Variants in SOCS2 observed in about 807,000 individuals in gnomAD.
SOCS2 encodes the protein CIS-2.
SOCS2 carries 10 observed loss-of-function variants against 18.6 expected under a neutral mutation model. The observed-to-expected ratio is 0.54, with a 90% CI of 0.33 to 0.91. The LOEUF is 0.91. Among genes scored for constraint, SOCS2 ranks in the 40% least tolerant of loss-of-function variants. SOCS2 has a pLI of 0.02. For missense variants in SOCS2, 231 were observed against 247.2 expected, an observed-to-expected ratio of 0.93 and a Z score of 0.44; for synonymous variants, 104 against 104.0, an observed-to-expected ratio of 1.00 and a Z score of 0.00.
the SOCS2 span, among the ~76,000 whole-genome samples, chr12:93,598,068 C>A: frequency 6.6e-6 from 1 of 152,146 alleles, no homozygotes; most frequent in South Asian, 2.1e-4. Flanking sequence ...TTGCAGGCAT[C>A]TGTAACTGTG....
chr12:93,574,602 C>CTT (rs35259505), intron 1 of SOCS2, 120 bp from the exon 2 acceptor site: 138 of 532,238 alleles, frequency 2.6e-4, no homozygotes, highest in South Asian at 8.3e-4. Flanking sequence ...CACACACCAC[C>CTT]TTTTTTTTTT....
the SOCS2 span, among the ~76,000 whole-genome samples, chr12:93,614,549 T>TTCTTTCTTTCTTTCTTTCTC: frequency 7.4e-5 from 2 of 27,064 alleles, no homozygotes; most frequent in East Asian, 1.7e-3. Flanking sequence ...CCTTCTTTCT[T>TTCTTTCTTTCTTTCTTTCTC]TCTTTCTTTC....
the SOCS2 span, among the ~76,000 whole-genome samples, chr12:93,590,218 G>C: frequency 2.0e-5 from 3 of 151,450 alleles, no homozygotes; most frequent in African/African-American, 2.4e-5. Context: ...CTGGGTGACA[G>C]AGCGAGACTC....
chr12:93,574,865 C>G lies in SOCS2; in HGVS notation c.283C>G (p.Leu95Val). 6.2e-7 allele frequency: 1 copy of G among 1,614,200 alleles called. No individual in the cohort carries two copies. The highest frequency in any genetic ancestry group is 8.5e-7 in the Non-Finnish European group (1 of 1,180,036). The change falls in exon 2 of 2, where the codon CTT becomes GTT. Residue 95 changes from leucine (L) to valine (V), a missense_variant. Leu to Val is a conservative substitution (Grantham distance 32). This residue lies in a region of SOCS2 where 3 missense variants were observed against 16.2 expected (regional missense o/e 0.18). Coordinates refer to ENST00000551556, the MANE Select transcript of SOCS2 (RefSeq NM_001270471.2). ...SVKTSAGPTN[L>V]RIEYQDGKFR... ...TAAAACATCAGCTGGACCAACTAATCTTCGAATCGAATACCAAGACGGAAA... is the reference window on the plus strand; with the variant it reads ...TAAAACATCAGCTGGACCAACTAATGTTCGAATCGAATACCAAGACGGAAA...
the SOCS2 span, among the ~76,000 whole-genome samples, chr12:93,603,361 A>G: frequency 6.6e-5 from 10 of 152,302 alleles, no homozygotes; most frequent in South Asian, 2.1e-3. Flanking sequence ...GGTGGGAAAA[A>G]GAAGACTCAA....
At chr12:93,591,453 G>T in the SOCS2 span, among the ~76,000 whole-genome samples, 1 of 152,162 alleles carries the variant, frequency 6.6e-6, no homozygotes, top group Non-Finnish European at 1.5e-5. Flanking sequence ...GTCTGTCTGC[G>T]GCAAGAGGAA....
rs1954437822 is a variant in SOCS2, at chr12:93,575,475, C to T, written c.*296C>T. 1 of 177,280 alleles carries T rather than the reference C, an allele frequency of 5.6e-6. No homozygotes were observed. Among genetic ancestry groups the T allele is most frequent in the Non-Finnish European group, 1.2e-5 (1 of 83,282 alleles). 11.0% of individuals were successfully genotyped at this position (177,280 alleles called of 1,614,324 possible). On this transcript the variant is annotated 3_prime_UTR_variant, in exon 2 of 2. Coordinates refer to ENST00000551556, the MANE Select transcript of SOCS2 (RefSeq NM_001270471.2). ...CTGAAGTCGCGTTTTATCAGAATGC[C>T]TTGCCTTCTTAGGTTCTTTTCCATT... is the stretch of plus-strand genomic sequence containing the variant.
the SOCS2 span, among the ~76,000 whole-genome samples, chr12:93,608,770 C>G: frequency 6.6e-6 from 1 of 152,134 alleles, no homozygotes; most frequent in South Asian, 2.1e-4. Flanking sequence ...CTCCCATTCC[C>G]TGATGGGATG....
the SOCS2 span, among the ~76,000 whole-genome samples, chr12:93,598,041 T>A: frequency 6.6e-6 from 1 of 152,202 alleles, no homozygotes; most frequent in East Asian, 1.9e-4. Context: ...ATGTAAACAT[T>A]TGAATACATG....
At chr12:93,588,871 C>T in the SOCS2 span, among the ~76,000 whole-genome samples, 3 of 152,144 alleles carry the variant, frequency 2.0e-5, no homozygotes, top group Non-Finnish European at 2.9e-5. Context: ...ATCCACCCGC[C>T]TCGGCCTCCC....
the SOCS2 span, among the ~76,000 whole-genome samples, chr12:93,626,057 C>T: frequency 6.6e-3 from 1,007 of 152,234 alleles, 15 homozygotes; most frequent in African/African-American, 0.023. Context: ...AAATCCTCAG[C>T]GCCTGGGTTT....
chr12:93,606,734 C>T, the SOCS2 span, among the ~76,000 whole-genome samples: 1 of 152,254 alleles, frequency 6.6e-6, no homozygotes, highest in South Asian at 2.1e-4. Context: ...CTCACTGCAA[C>T]CTCTGCCTCC....
At chr12:93,604,569 G>A in the SOCS2 span, among the ~76,000 whole-genome samples, 1 of 152,198 alleles carries the variant, frequency 6.6e-6, no homozygotes, top group Non-Finnish European at 1.5e-5. Flanking sequence ...TAGAAAGTTA[G>A]ACTTACATTC....
chr12:93,611,683 C>T, the SOCS2 span, among the ~76,000 whole-genome samples: 1 of 152,144 alleles, frequency 6.6e-6, no homozygotes, highest in East Asian at 1.9e-4. Context: ...CCCCAGGAGT[C>T]ATATTTTATT....
the SOCS2 span, among the ~76,000 whole-genome samples, chr12:93,608,824 C>G: frequency 4.6e-5 from 7 of 152,184 alleles, no homozygotes; most frequent in Admixed American, 1.3e-4. Context: ...CCACCACAGG[C>G]TCTGGAAAGT....
downstream of SOCS2, among the ~76,000 whole-genome samples, chr12:93,586,062 C>T (rs1042563733): frequency 3.3e-5 from 5 of 151,880 alleles, no homozygotes; most frequent in Admixed American, 1.3e-4. Context: ...TTTCCCTCCC[C>T]CAAATATTTT....
chr12:93,624,225 C>A, the SOCS2 span, among the ~76,000 whole-genome samples: 1 of 152,214 alleles, frequency 6.6e-6, no homozygotes, highest in African/African-American at 2.4e-5. Context: ...CCTCACCAGA[C>A]ACGAAACCTG....
At chr12:93,619,596 C>A in the SOCS2 span, among the ~76,000 whole-genome samples, 1 of 152,156 alleles carries the variant, frequency 6.6e-6, no homozygotes, top group African/African-American at 2.4e-5. Context: ...CTTGTTTAAT[C>A]CACACAGGAA....
the SOCS2 span, among the ~76,000 whole-genome samples, chr12:93,611,313 C>T: frequency 6.6e-6 from 1 of 152,174 alleles, no homozygotes; most frequent in Non-Finnish European, 1.5e-5. Flanking sequence ...TCTCAGCTCA[C>T]TGCAACCTCC....
Sources: allele counts gnomAD v4.1 joint callset (sites outside exome capture counted in the v4.1 genomes callset), GRCh38; gene constraint gnomAD v4.1.1; regional missense constraint gnomAD v4.1.1; transcripts MANE v1.5; gene names NCBI Gene and HGNC (gene_info 2026-07-23, HGNC 2026-07-21).